The following PLOD1 variants were observed in gnomAD, a reference collection of about 807,000 sequenced individuals.
PLOD1 encodes the protein procollagen-lysine,2-oxoglutarate 5-dioxygenase 1, also known as lysine hydroxylase.
PLOD1 carries 70 observed loss-of-function variants against 94.7 expected under a neutral mutation model. The ratio of observed to expected loss-of-function variants is 0.74; its 90% CI spans 0.61 to 0.90. The LOEUF (loss-of-function observed/expected upper bound fraction) is 0.90, where lower values mean the gene tolerates loss of function less well. Ranked by LOEUF, PLOD1 falls within the 40% of genes least tolerant of loss-of-function variation. PLOD1 has a pLI of 0.00. For missense variants in PLOD1, 905 were observed against 972.7 expected (o/e 0.93, Z 0.93); for synonymous variants, 417 against 400.2 (o/e 1.04, Z -0.50).
Position 11,950,528 on chromosome 1 carries a change from G to T in PLOD1, c.466+8G>T. 6.2e-7 allele frequency: 1 copy of T among 1,613,282 alleles called. No homozygotes were observed. The highest frequency in any genetic ancestry group is 1.1e-5 in the South Asian group (1 of 91,034). On this transcript the variant is annotated splice_region_variant and intron_variant, in intron 4 of 18. Transcript: ENST00000196061. ...GGTTCCTGGGCTCTGGAGGTGAGAG[G>T]CCTGGGTGCAGGGCGCTTGGCCCAG... is the stretch of plus-strand genomic sequence containing the variant.
At chr1:11,959,161 C>A (rs1055355776) in intron 9 of PLOD1, among the ~76,000 whole-genome samples, 5 of 151,642 alleles carry the variant, frequency 3.3e-5, no homozygotes, top group Non-Finnish European at 7.4e-5. Flanking sequence ...GCCGAGATTG[C>A]GCCATTGCAC....
chr1:11,956,878 G>T (rs781635178), intron 6 of PLOD1, 39 bp from the exon 7 acceptor site: 2 of 1,398,594 alleles, frequency 1.4e-6, no homozygotes, highest in Non-Finnish European at 2.0e-6. Context: ...CTGACCTCTG[G>T]GTCTGATGCT....
rs556718115 is a variant in PLOD1 at position 11,948,017 on chromosome 1, G to A, written c.118G>A (p.Gly40Arg). Reference sequence around the variant, plus strand: ...CACGGTGGCCACTAAGGAGACCGAGGGATTCCGTCGCTTCAAGCGCTCAGC... The same window carrying A: ...CACGGTGGCCACTAAGGAGACCGAGAGATTCCGTCGCTTCAAGCGCTCAGC... ...VLTVATKETEGFRRFKRSAQF... is the reference protein window; with the variant it reads ...VLTVATKETERFRRFKRSAQF... The change falls in exon 2 of 19, where the codon GGA (glycine) becomes AGA (arginine). Residue 40 changes from glycine to arginine, a missense_variant. Transcript: ENST00000196061. 6.2e-6 allele frequency: 10 copies of A among 1,613,936 alleles called. No individual in the cohort carries two copies. In the South Asian group the frequency reaches 1.1e-4, roughly 18 times the overall value.
chr1:11,964,327 T>TGGGGGGGGGGGG, intron 12 of PLOD1, 27 bp downstream of exon 12: 4 of 546,354 alleles, frequency 7.3e-6, no homozygotes, highest in East Asian at 9.7e-5. Flanking sequence ...TGGGGGTGGG[T>TGGGGGGGGGGGG]GGGGGACACC....
At chr1:11,960,535 G>C (rs1359487268) in intron 9 of PLOD1, 111 bp from the exon 10 acceptor site, 8 of 817,742 alleles carry the variant, frequency 9.8e-6, no homozygotes, top group Non-Finnish European at 1.5e-5. Flanking sequence ...TGGCCGGGGT[G>C]CCAGAGATGA....
rs1040588194 is a variant in PLOD1 at position 11,972,611 on chromosome 1, C to T, written c.1903-261C>T. 4.6e-6 allele frequency: 2 copies of T among 435,906 alleles called. No homozygotes were observed. The highest frequency in any genetic ancestry group is 4.3e-6 in the Non-Finnish European group (1 of 235,114). 27.0% of individuals were successfully genotyped at this position (435,906 alleles called of 1,614,324 possible). A position where few individuals can be genotyped will look rare whatever the true frequency, so the allele number is the denominator to read the frequency against. On this transcript the variant is annotated intron_variant, in intron 17 of 18. Coordinates refer to ENST00000196061, the MANE Select transcript of PLOD1 (RefSeq NM_000302.4). The surrounding 1 kb of genome is among the most constrained non-coding windows in gnomAD (Gnocchi z 4.6). ...TCTTCTCTTCCCTTTTCCTCCCTTC[C>T]TCCCTCCCTCCCTTCCTTTCTTCCT...
chr1:11,962,159 G>A (rs1645782356), intron 10 of PLOD1, among the ~76,000 whole-genome samples: 1 of 151,738 alleles, frequency 6.6e-6, no homozygotes, highest in African/African-American at 2.4e-5. Context: ...CAAACTCCTG[G>A]CTTGAAGTTA....
chr1:11,939,144 C>T (rs1240339251), intron 1 of PLOD1, among the ~76,000 whole-genome samples: 1 of 152,048 alleles, frequency 6.6e-6, no homozygotes, highest in Non-Finnish European at 1.5e-5. Context: ...CTCAGCTGGC[C>T]GTTCAGGTCA....
At chr1:11,967,596 T>TATATATATATAAA (rs1645828296) in intron 16 of PLOD1, among the ~76,000 whole-genome samples, 1 of 103,920 alleles carries the variant, frequency 9.6e-6, no homozygotes, top group Admixed American at 8.7e-5. Flanking sequence ...TGTGTGTGTG[T>TATATATATATAAA]GTATATATAT....
chr1:11,959,886 G>A (rs918056053), intron 9 of PLOD1, among the ~76,000 whole-genome samples: 11 of 150,418 alleles, frequency 7.3e-5, no homozygotes, highest in African/African-American at 2.7e-4. Context: ...AAAGTGCTGC[G>A]ATTACAGCCA....
At chr1:11,965,237 C>A (rs1269939691) in intron 13 of PLOD1, among the ~76,000 whole-genome samples, 1 of 151,770 alleles carries the variant, frequency 6.6e-6, no homozygotes, top group African/African-American at 2.4e-5. Flanking sequence ...TTTTCTTTTA[C>A]GCATTTTTTC....
intron 5 of PLOD1, 43 bp downstream of exon 5, chr1:11,952,778 C>T (rs1054034906): frequency 1.4e-5 from 20 of 1,405,598 alleles, no homozygotes; most frequent in Non-Finnish European, 1.8e-5. Context: ...GCTGGGGATC[C>T]ACCGGCCAGG....
chr1:11,954,468 A>G (rs749654935), intron 5 of PLOD1: 11 of 502,164 alleles, frequency 2.2e-5, no homozygotes, highest in Non-Finnish European at 3.3e-5. Flanking sequence ...CCTGGGTGAC[A>G]AGAGCGAAAC....
At position 11,963,687 on chromosome 1, in the gene PLOD1, GGGGTGGC is replaced by G; in HGVS notation, c.1202+52_1202+58del. The G allele has an allele frequency of 8.0e-7, 1 of 1,253,418 alleles. No homozygotes were observed. The highest frequency in any genetic ancestry group is 1.1e-6 in the Non-Finnish European group (1 of 871,888). 77.6% of individuals were successfully genotyped at this position (1,253,418 alleles called of 1,614,324 possible). On this transcript the variant is annotated intron_variant, in intron 11 of 18. Transcript: ENST00000196061. This position sits in a 1 kb window ranked among gnomAD's most constrained non-coding sequence, Gnocchi z 4.3. ...CACTGCTCAGGACTGGCCTGGTCCT[GGGGTGGC>G]AGCCCTCCTTGCCTTCCTCCTCCTC...
intron 1 of PLOD1, chr1:11,944,519 C>T (rs1311599844): frequency 1.5e-6 from 2 of 1,339,538 alleles, no homozygotes; most frequent in Non-Finnish European, 2.0e-6. Context: ...CTGTCCCCAG[C>T]AGCCCCCTGT....
rs1645823972 is a variant in PLOD1, at chr1:11,967,054, T to C, written c.1718T>C (p.Met573Thr). 4 of 1,613,812 alleles carry C rather than the reference T, an allele frequency of 2.5e-6. No individual in the cohort carries two copies. Among genetic ancestry groups the C allele is most frequent in the Non-Finnish European group, 2.5e-6 (3 of 1,179,718 alleles). ...EVACDELVEE[M>T]EHFGQWSLGN... Reference sequence around the variant, plus strand: ...GCCTGTGATGAGCTGGTGGAGGAGATGGAGCACTTTGGCCAGTGGTCTCTG... The same window carrying C: ...GCCTGTGATGAGCTGGTGGAGGAGACGGAGCACTTTGGCCAGTGGTCTCTG... The change falls in exon 16 of 19, where the codon ATG becomes ACG. Residue 573 changes from methionine (M) to threonine (T), a missense_variant. By Grantham distance (81) the Met-to-Thr change is moderately conservative (BLOSUM62 -1). Transcript: ENST00000196061.
Position 11,970,613 on chromosome 1 carries a change from CAG to C in PLOD1, c.1756-54_1756-53del, listed in dbSNP as rs1557500042. The C allele has an allele frequency of 1.1e-5, 18 of 1,567,104 alleles. No homozygotes were observed. The East Asian group carries it at 3.6e-4, about 31-fold the overall frequency. ...CCCGGGTGTAGGAGAGGGGAGTAGA[CAG>C]AGCCTGGGGGCCATCCTAGAATTCT... On this transcript the variant is annotated intron_variant, in intron 16 of 18. Transcript: ENST00000196061.
rs886039207 is a variant in PLOD1, at chr1:11,949,869, G to A, written c.265G>A (p.Ala89Thr). The change falls in exon 3 of 19, where the codon GCA becomes ACA. Residue 89 changes from alanine to threonine, a missense_variant. Ala to Thr is a moderately conservative substitution (Grantham distance 58). Transcript: ENST00000196061. ...GCTGAAGAAAGCTCTGGAGAAGCAC[G>A]CAGACAAGGAGGATCTGGTCATTCT... Reference protein sequence around the residue: ...RLLKKALEKHADKEDLVILFA... With the variant: ...RLLKKALEKHTDKEDLVILFA... 1 of 1,614,070 alleles carries A rather than the reference G, an allele frequency of 6.2e-7. No homozygotes were observed. The highest frequency in any genetic ancestry group is 2.2e-5 in the East Asian group (1 of 44,886).
chr1:11,970,944 T>C (rs1569737876), intron 17 of PLOD1, 128 bp downstream of exon 17: 5 of 203,202 alleles, frequency 2.5e-5, no homozygotes, highest in South Asian at 1.7e-4. Flanking sequence ...AGTGAGGGTG[T>C]GGGGAGCGTG....
Sources: allele counts gnomAD v4.1 joint callset (sites outside exome capture counted in the v4.1 genomes callset), GRCh38; gene constraint gnomAD v4.1.1; non-coding constraint Gnocchi (gnomAD v3.1); transcripts MANE v1.5; gene names NCBI Gene and HGNC (gene_info 2026-07-23, HGNC 2026-07-21).